Variants in SHPRH observed in about 807,000 individuals in gnomAD.
SHPRH encodes SNF2 histone linker PHD RING helicase, also known as E3 ubiquitin-protein ligase SHPRH.
Under a neutral mutation model 202.5 loss-of-function variants are expected in SHPRH, and 106 were observed. The ratio of observed to expected loss-of-function variants is 0.52; its 90% CI spans 0.45 to 0.62. The LOEUF (loss-of-function observed/expected upper bound fraction) is 0.62, where lower values mean the gene tolerates loss of function less well. Ranked by LOEUF, SHPRH falls within the 20% of genes least tolerant of loss-of-function variation. The probability of loss-of-function intolerance (pLI) is 0.00; values close to 1 mark genes in which losing one functional copy is unlikely to be tolerated. For missense variants in SHPRH, 1,710 were observed against 2,020.0 expected, an observed-to-expected ratio of 0.85 and a Z score of 2.94; for synonymous variants, 729 against 686.0, an observed-to-expected ratio of 1.06 and a Z score of -0.98.
intron 9 of SHPRH, among the ~76,000 whole-genome samples, chr6:145,942,391 T>C (rs1786884802): frequency 2.0e-5 from 3 of 152,120 alleles, no homozygotes; most frequent in South Asian, 2.1e-4. Flanking sequence ...ATAAGAAAAA[T>C]AAAGTGACTT....
intron 23 of SHPRH, among the ~76,000 whole-genome samples, chr6:145,914,485 A>C (rs893609446): frequency 6.6e-6 from 1 of 152,176 alleles, no homozygotes; most frequent in Non-Finnish European, 1.5e-5. Context: ...TAACAACTCA[A>C]TTCCACTAAT....
chr6:145,922,158 A>T (rs1784480688), intron 20 of SHPRH, 128 bp downstream of exon 20: 2 of 756,406 alleles, frequency 2.6e-6, no homozygotes, highest in East Asian at 6.2e-5. Flanking sequence ...AAGGTGTACT[A>T]ATCAATTTAA....
At chr6:145,899,755 A>G (rs1346659937) in intron 25 of SHPRH, among the ~76,000 whole-genome samples, 1 of 152,158 alleles carries the variant, frequency 6.6e-6, no homozygotes, top group African/African-American at 2.4e-5. Context: ...CAAACCACAC[A>G]TGTGATAAGG....
chr6:145,887,675 ATGG>A (rs1376585505), intron 29 of SHPRH, among the ~76,000 whole-genome samples: 1 of 151,806 alleles, frequency 6.6e-6, no homozygotes, highest in Non-Finnish European at 1.5e-5. Context: ...AGCTAAGACT[ATGG>A]TGCGTGTCAC....
At chr6:145,960,683 G>A (rs1325352810) in intron 1 of SHPRH, among the ~76,000 whole-genome samples, 1 of 152,140 alleles carries the variant, frequency 6.6e-6, no homozygotes, top group Non-Finnish European at 1.5e-5. Flanking sequence ...TCTAAAATGG[G>A]GATGATAGCA....
chr6:145,935,179 GAAAAA>G lies in SHPRH; in HGVS notation c.2734-21_2734-17del. On this transcript the variant is annotated splice_polypyrimidine_tract_variant and intron_variant, in intron 12 of 29. Coordinates refer to ENST00000275233, the MANE Select transcript of SHPRH (RefSeq NM_001042683.3). Reference sequence around the variant, plus strand: ...GTATTTGGATCTGTGAAAAGGAGCAGAAAAAAAAAAAAAGATATCATCTAAAAATT... The same window carrying G: ...GTATTTGGATCTGTGAAAAGGAGCAGAAAAAAAAGATATCATCTAAAAATT... The G allele has an allele frequency of 7.6e-7, 1 of 1,323,826 alleles. No individual in the cohort carries two copies. The highest frequency in any genetic ancestry group is 1.6e-5 in the African/African-American group (1 of 64,502). 82.0% of individuals were successfully genotyped at this position (1,323,826 alleles called of 1,614,324 possible).
chr6:145,885,688 T>C lies in SHPRH; in HGVS notation c.*1003A>G, dbSNP rs1780939999. The C allele has an allele frequency of 6.6e-6, 1 of 152,204 alleles. No individual in the cohort carries two copies. Among genetic ancestry groups the C allele is most frequent in the Non-Finnish European group, 1.5e-5 (1 of 68,026 alleles). The allele number at this position is 152,204 out of a possible 1,614,324, so 9.4% of individuals were successfully genotyped here. ...TTGCAACGATTTGCTTATGTGAACA[T>C]GGCATTCTCTTGTTCAAAAGGTCAA... is the stretch of plus-strand genomic sequence containing the variant. On this transcript the variant is annotated 3_prime_UTR_variant, in exon 30 of 30. Coordinates refer to ENST00000275233, the MANE Select transcript of SHPRH (RefSeq NM_001042683.3).
At chr6:145,930,915 A>AT (rs1344458910) in intron 14 of SHPRH, among the ~76,000 whole-genome samples, 5 of 152,022 alleles carry the variant, frequency 3.3e-5, no homozygotes, top group Non-Finnish European at 5.9e-5. Context: ...AATATTTAGA[A>AT]TTTTTTTCTC....
chr6:145,923,155 A>G (rs1784571995), intron 18 of SHPRH, among the ~76,000 whole-genome samples: 1 of 151,930 alleles, frequency 6.6e-6, no homozygotes, highest in African/African-American at 2.4e-5. Context: ...GCCTGACTAC[A>G]GATAGCCTTC....
intron 28 of SHPRH, among the ~76,000 whole-genome samples, chr6:145,889,582 TTAAAA>T (rs1347321240): frequency 6.6e-6 from 1 of 152,126 alleles, no homozygotes; most frequent in African/African-American, 2.4e-5. Context: ...ACAAAATTAT[TTAAAA>T]TATTATATAA....
At chr6:145,912,202 A>T (rs3924498) in intron 24 of SHPRH, among the ~76,000 whole-genome samples, 96,044 of 151,596 alleles carry the variant, frequency 0.63, 30,941 homozygotes, top group African/African-American at 0.73. Context: ...ATATGGGTTA[A>T]CTCTGATAGA....
At chr6:145,953,031 G>T (rs150562419) in intron 2 of SHPRH, among the ~76,000 whole-genome samples, 2 of 152,176 alleles carry the variant, frequency 1.3e-5, no homozygotes, top group Admixed American at 6.6e-5. Flanking sequence ...GAAGCTAAAT[G>T]AATTTGAGAA....
rs1215693675 is a variant in SHPRH, at chr6:145,953,990, G to A, written c.633+700C>T. On this transcript the variant is annotated intron_variant, in intron 2 of 29. Transcript: ENST00000275233. ...TAAAATGTTAAGTATGTGACAAGCC[G>A]CCAAGGCCAAAAAAAAAAATCTACC... 4.0e-5 allele frequency among the ~76,000 whole-genome samples: 6 copies of A among 150,014 alleles called. No homozygotes were observed. In the South Asian group the frequency reaches 1.0e-3, roughly 26 times the overall value.
At chr6:145,919,208 T>C in intron 22 of SHPRH, 140 bp downstream of exon 22, 1 of 1,263,548 alleles carries the variant, frequency 7.9e-7, no homozygotes, top group Non-Finnish European at 1.1e-6. Flanking sequence ...AAGACAATTT[T>C]CTATGGGTCA....
In SHPRH at chr6:145,943,728, C is replaced by T. The variant is rs768329257; in HGVS notation, c.1653G>A (p.Leu551=). 1 of 1,611,568 alleles carries T rather than the reference C, an allele frequency of 6.2e-7. No homozygotes were observed. The highest frequency in any genetic ancestry group is 8.5e-7 in the Non-Finnish European group (1 of 1,178,522). ...SGNKDTDSEY[L]PSDTSDDDDD... ...CATCATCATCAGAGGTGTCTGATGG[C>T]AAGTATTCAGAATCTGTGTCCTTGT... Residue 551 remains leucine, a synonymous_variant, in exon 9 of 30, where the codon TTG becomes TTA. Coordinates refer to ENST00000275233, the MANE Select transcript of SHPRH (RefSeq NM_001042683.3).
At chr6:145,905,244 AG>A (rs1240661374) in intron 25 of SHPRH, 1 of 152,224 alleles carries the variant, frequency 6.6e-6, no homozygotes, top group Non-Finnish European at 1.5e-5. Context: ...GAAAAAAGGA[AG>A]GGCTAAGAAA....
Position 145,886,530 on chromosome 6 carries a change from C to T in SHPRH, c.*161G>A, listed in dbSNP as rs142690339. 7.8e-6 allele frequency: 10 copies of T among 1,289,928 alleles called. No individual in the cohort carries two copies. In the East Asian group the frequency reaches 2.2e-4, roughly 29 times the overall value. The allele number at this position is 1,289,928 out of a possible 1,614,324, so 79.9% of individuals were successfully genotyped here. A position where few individuals can be genotyped will look rare whatever the true frequency, so the allele number is the denominator to read the frequency against. ...TGGAAACAGTATATTGAAAAGGACT[C>T]AATAAGTACTAAGCCACTGTATAAC... On this transcript the variant is annotated 3_prime_UTR_variant, in exon 30 of 30. Transcript: ENST00000275233.
At position 145,948,345 on chromosome 6, in the gene SHPRH, C is replaced by A. The variant is rs758841786; in HGVS notation, c.988G>T (p.Ala330Ser). ...ATCTCTCGCCATAAGAAGTGCAGGGCACTTTCTAAAGAAAAATATAATCAT... is the reference window on the plus strand; with the variant it reads ...ATCTCTCGCCATAAGAAGTGCAGGGAACTTTCTAAAGAAAAATATAATCAT... ...CFRSSPATES[A>S]LHFLWREIVT... The change falls in exon 5 of 30, where the codon GCC (alanine) becomes TCC (serine). Residue 330 changes from alanine (A) to serine (S), a missense_variant. By Grantham distance (99) the Ala-to-Ser change is moderately conservative. Transcript: ENST00000275233. The A allele has an allele frequency of 1.3e-6, 2 of 1,597,828 alleles. No homozygotes were observed. Among genetic ancestry groups the A allele is most frequent in the Admixed American group, 1.7e-5 (1 of 58,322 alleles).
chr6:145,922,628 T>C, intron 19 of SHPRH, 35 bp downstream of exon 19: 1 of 1,555,534 alleles, frequency 6.4e-7, no homozygotes, highest in South Asian at 1.2e-5. Context: ...AAAGAAATGG[T>C]ACCATTTCAT....
Sources: allele counts gnomAD v4.1 joint callset (sites outside exome capture counted in the v4.1 genomes callset), GRCh38; gene constraint gnomAD v4.1.1; transcripts MANE v1.5; gene names NCBI Gene and HGNC (gene_info 2026-07-23, HGNC 2026-07-21).